Variants in GLIS2 observed in about 807,000 individuals in gnomAD.
The protein encoded by GLIS2 is zinc finger protein GLIS2.
A neutral mutation model predicts 35.6 loss-of-function variants in GLIS2; 14 were observed. The observed-to-expected ratio is 0.39, with a 90% CI of 0.26 to 0.61. The LOEUF (loss-of-function observed/expected upper bound fraction) is 0.61. GLIS2 is among the 20% of genes least tolerant of loss of function. The pLI, the probability that GLIS2 is intolerant of heterozygous loss-of-function variation, is 0.48. For missense variants in GLIS2, 675 were observed against 713.4 expected (o/e 0.95, Z 0.61); for synonymous variants, 368 against 325.1 (o/e 1.13, Z -1.42).
At position 4,320,348 on chromosome 16, in the gene GLIS2, C is replaced by A. The variant is rs766133917; in HGVS notation, c.-67+4094C>A. ...TGCCCGTCACATGGAGGGTCCCCACCGCTGGCACAGCACGCTCCCAGGGCA... is the reference window on the plus strand; with the variant it reads ...TGCCCGTCACATGGAGGGTCCCCACAGCTGGCACAGCACGCTCCCAGGGCA... On this transcript the variant is annotated intron_variant, in intron 1 of 6. Coordinates refer to ENST00000433375, the MANE Select transcript of GLIS2 (RefSeq NM_032575.3). The surrounding 1 kb of genome is among the most constrained non-coding windows in gnomAD (Gnocchi z 5.6). Among the ~76,000 whole-genome samples, 3 of 152,104 alleles carry A rather than the reference C, an allele frequency of 2.0e-5. No individual in the cohort carries two copies. Among genetic ancestry groups the A allele is most frequent in the African/African-American group, 4.8e-5 (2 of 41,384 alleles).
intron 1 of GLIS2, among the ~76,000 whole-genome samples, chr16:4,323,675 G>A (rs1282425514): frequency 6.6e-6 from 1 of 152,204 alleles, no homozygotes; most frequent in African/African-American, 2.4e-5. Context: ...GCTGGTGCAG[G>A]CCAGGGAAGC....
chr16:4,321,520 C>CTAAGA (rs1273652879), intron 1 of GLIS2, among the ~76,000 whole-genome samples: 23 of 152,202 alleles, frequency 1.5e-4, no homozygotes, highest in Non-Finnish European at 3.2e-4. Flanking sequence ...ACTGTGCCAC[C>CTAAGA]TAAGATGAGT....
In GLIS2 at chr16:4,337,017, C is replaced by A; in HGVS notation, c.1068C>A (p.Pro356=). The part of the protein sequence containing the change: ...PYVSGAQIII[P]NPAALFGGPG... ...TCAGTGGGGCCCAGATCATCATCCC[C>A]AACCCAGCTGCCCTCTTTGGAGGCC... Residue 356 remains proline (P), a synonymous_variant, in exon 7 of 7, where the codon CCC becomes CCA. Coordinates refer to ENST00000433375, the MANE Select transcript of GLIS2 (RefSeq NM_032575.3). 1 of 1,602,748 alleles carries A rather than the reference C, an allele frequency of 6.2e-7. No individual in the cohort carries two copies. Among genetic ancestry groups the A allele is most frequent in the East Asian group, 2.2e-5 (1 of 44,552 alleles).
chr16:4,335,245 G>C lies in GLIS2; in HGVS notation c.657-30G>C. Reference sequence around the variant, plus strand: ...GGAGGACTGGGGTCTCCAGTGAGCTGAGCCGTGCCCCCCGCCCTCCCTGGA... The same window carrying C: ...GGAGGACTGGGGTCTCCAGTGAGCTCAGCCGTGCCCCCCGCCCTCCCTGGA... On this transcript the variant is annotated intron_variant, in intron 5 of 6. Transcript: ENST00000433375. This position sits in a 1 kb window ranked among gnomAD's most constrained non-coding sequence, Gnocchi z 4.6. 1 of 1,613,658 alleles carries C rather than the reference G, an allele frequency of 6.2e-7. No individual in the cohort carries two copies. Among genetic ancestry groups the C allele is most frequent in the South Asian group, 1.1e-5 (1 of 91,086 alleles).
chr16:4,325,976 C>T (rs1293798906), intron 1 of GLIS2, among the ~76,000 whole-genome samples: 3 of 145,016 alleles, frequency 2.1e-5, no homozygotes, highest in South Asian at 2.2e-4. Flanking sequence ...TGGTGGCTCA[C>T]GCCTGTAATC....
intron 1 of GLIS2, chr16:4,328,346 C>G (rs1015665489): frequency 1.2e-4 from 18 of 152,390 alleles, no homozygotes; most frequent in African/African-American, 4.1e-4. Context: ...CTCGCCTGCC[C>G]CCTTCACCCA....
In GLIS2 at chr16:4,337,444, A is replaced by G. The variant is rs1221214588; in HGVS notation, c.1495A>G (p.Ser499Gly). The G allele has an allele frequency of 1.9e-6, 3 of 1,580,412 alleles. No individual in the cohort carries two copies. The highest frequency in any genetic ancestry group is 2.3e-5 in the East Asian group (1 of 43,616). ...DLSTGVNSAA[S>G]SPEALAPGWV... is the part of the protein sequence containing the mutation. ...GTCCACGGGCGTCAACTCAGCTGCCAGCAGCCCAGAGGCGTTGGCCCCTGG... is the reference window on the plus strand; with the variant it reads ...GTCCACGGGCGTCAACTCAGCTGCCGGCAGCCCAGAGGCGTTGGCCCCTGG... Residue 499 changes from serine (S) to glycine (G), a missense_variant, in exon 7 of 7, where the codon AGC becomes GGC. Physicochemically the swap from Ser to Gly is moderately conservative, Grantham distance 56. Around this residue, in one of 3 missense-constraint regions of GLIS2, gnomAD observed 317 missense variants for 283.2 expected, o/e 1.12. Transcript: ENST00000433375.
Position 4,332,592 on chromosome 16 carries a change from C to G in GLIS2, c.172+140C>G. 1.0e-6 allele frequency: 1 copy of G among 987,548 alleles called. No individual in the cohort carries two copies. Among genetic ancestry groups the G allele is most frequent in the Non-Finnish European group, 1.5e-6 (1 of 661,674 alleles). The allele number at this position is 987,548 out of a possible 1,614,324, so 61.2% of individuals were successfully genotyped here. A position where few individuals can be genotyped will look rare whatever the true frequency, so the allele number is the denominator to read the frequency against. ...ATGGGAAGCCCGCACGCTTGTCCTT[C>G]CATCCGCCCAGCATCGTATGTCTGC... is the stretch of plus-strand genomic sequence containing the variant. On this transcript the variant is annotated intron_variant, in intron 2 of 6. Coordinates refer to ENST00000433375, the MANE Select transcript of GLIS2 (RefSeq NM_032575.3). The surrounding 1 kb of genome is among the most constrained non-coding windows in gnomAD (Gnocchi z 5.4).
At chr16:4,326,699 C>A (rs1351190501) in intron 1 of GLIS2, among the ~76,000 whole-genome samples, 1 of 151,906 alleles carries the variant, frequency 6.6e-6, no homozygotes, top group East Asian at 1.9e-4. Context: ...AGGCGATCCT[C>A]CCACCTCAGC....
intron 1 of GLIS2, among the ~76,000 whole-genome samples, chr16:4,322,279 G>A (rs556143474): frequency 6.6e-6 from 1 of 152,248 alleles, no homozygotes; most frequent in African/African-American, 2.4e-5. Context: ...TTCTGTCCCA[G>A]CCTCTCTGAG....
Position 4,335,465 on chromosome 16 carries a change from AG to A in GLIS2, c.775+77del. On this transcript the variant is annotated intron_variant, in intron 6 of 6. Coordinates refer to ENST00000433375, the MANE Select transcript of GLIS2 (RefSeq NM_032575.3). This position sits in a 1 kb window ranked among gnomAD's most constrained non-coding sequence, Gnocchi z 4.6. ...GCTGAGACCGGCTGGGCAGGTCCCC[AG>A]GGGGAGGGGACTGTTAAGTAAATCC... The A allele has an allele frequency of 1.5e-6, 2 of 1,307,616 alleles. No homozygotes were observed. The highest frequency in any genetic ancestry group is 2.2e-6 in the Non-Finnish European group (2 of 905,114). 81.0% of individuals were successfully genotyped at this position (1,307,616 alleles called of 1,614,324 possible). A position where few individuals can be genotyped will look rare whatever the true frequency, so the allele number is the denominator to read the frequency against.
chr16:4,316,028 C>A (rs1255795673), upstream of GLIS2, among the ~76,000 whole-genome samples: 1 of 144,124 alleles, frequency 6.9e-6, no homozygotes, highest in Non-Finnish European at 1.5e-5. Context: ...CGCCCGCCCT[C>A]CCTCTAAGAC....
intron 1 of GLIS2, among the ~76,000 whole-genome samples, chr16:4,322,802 G>T (rs59329797): frequency 0.013 from 1,990 of 152,348 alleles, 46 homozygotes; most frequent in African/African-American, 0.045. Flanking sequence ...GGCGGGTGCC[G>T]TTCCCAGTGG....
rs1294508519 is a variant in GLIS2 at position 4,332,329 on chromosome 16, C to A, written c.49C>A (p.Leu17Ile). The change falls in exon 2 of 7, where the codon CTC (leucine) becomes ATC (isoleucine). Residue 17 changes from leucine to isoleucine, a missense_variant. Physicochemically the swap from Leu to Ile is conservative, Grantham distance 5. Transcript: ENST00000433375. The surrounding 1 kb of genome is among the most constrained non-coding windows in gnomAD (Gnocchi z 5.4). Reference sequence around the variant, plus strand: ...CGACCTGAAGCTGAGTATCACCAAGCTCCGGGCGGCAAGAGAGAAGCGGGA... The same window carrying A: ...CGACCTGAAGCTGAGTATCACCAAGATCCGGGCGGCAAGAGAGAAGCGGGA... ...PLDLKLSITK[L>I]RAAREKRERT... The A allele has an allele frequency of 6.2e-7, 1 of 1,613,270 alleles. No individual in the cohort carries two copies. The highest frequency in any genetic ancestry group is 8.5e-7 in the Non-Finnish European group (1 of 1,180,024).
intron 1 of GLIS2, among the ~76,000 whole-genome samples, chr16:4,318,158 C>T (rs1296826622): frequency 6.6e-6 from 1 of 152,206 alleles, no homozygotes; most frequent in East Asian, 1.9e-4. Context: ...TGGGGATTGG[C>T]TGGAGCCCAG....
At chr16:4,328,045 A>C (rs916984090) in intron 1 of GLIS2, among the ~76,000 whole-genome samples, 3 of 152,142 alleles carry the variant, frequency 2.0e-5, no homozygotes, top group Admixed American at 6.5e-5. Flanking sequence ...GAGGAACGGA[A>C]GGCTCCACCA....
intron 1 of GLIS2, among the ~76,000 whole-genome samples, chr16:4,317,260 GAC>G (rs2053323635): frequency 6.6e-6 from 1 of 152,190 alleles, no homozygotes; most frequent in African/African-American, 2.4e-5. Context: ...GGGAACGCTT[GAC>G]ACTGAGGGGG....
rs1301370611 is a variant in GLIS2, at chr16:4,337,531, C to T, written c.*7C>T. 1.9e-6 allele frequency: 3 copies of T among 1,552,112 alleles called. No individual in the cohort carries two copies. The highest frequency in any genetic ancestry group is 1.2e-5 in the South Asian group (1 of 85,374). ...ACCGGCTGTGGTGAACTGAGCCCAT[C>T]CTGCGGACAGTTGTGGTGCCCCCCC... On this transcript the variant is annotated 3_prime_UTR_variant, in exon 7 of 7. Coordinates refer to ENST00000433375, the MANE Select transcript of GLIS2 (RefSeq NM_032575.3).
At chr16:4,323,460 C>CAG (rs2053398469) in intron 1 of GLIS2, among the ~76,000 whole-genome samples, 1 of 152,086 alleles carries the variant, frequency 6.6e-6, no homozygotes, top group African/African-American at 2.4e-5. Flanking sequence ...GGGCAGGCAG[C>CAG]GGGGGGGTGG....
Sources: allele counts gnomAD v4.1 joint callset (sites outside exome capture counted in the v4.1 genomes callset), GRCh38; gene constraint gnomAD v4.1.1; regional missense constraint gnomAD v4.1.1; non-coding constraint Gnocchi (gnomAD v3.1); transcripts MANE v1.5; gene names NCBI Gene and HGNC (gene_info 2026-07-23, HGNC 2026-07-21).